TULP4: variants seen among roughly 807,000 people sequenced by gnomAD.
TULP4 encodes the protein tubby-related protein 4.
A neutral mutation model predicts 129.0 loss-of-function variants in TULP4; 16 were observed. That is an observed-to-expected ratio of 0.12 (90% CI 0.08 to 0.19). TULP4 has a LOEUF of 0.19. Among genes scored for constraint, TULP4 ranks in the 10% least tolerant of loss-of-function variants. The pLI is 1.00. For synonymous variants in TULP4, 998 were observed against 854.0 expected, an observed-to-expected ratio of 1.17 and a Z score of -2.94; for missense variants, 1,842 against 2,059.1, an observed-to-expected ratio of 0.89 and a Z score of 2.04.
At chr6:158,454,490 C>T (rs181607996) in intron 5 of TULP4, among the ~76,000 whole-genome samples, 1 of 148,922 alleles carries the variant, frequency 6.7e-6, no homozygotes, top group Non-Finnish European at 1.5e-5. Context: ...ATATAATTAC[C>T]ACTCAGTTCC....
intron 1 of TULP4, among the ~76,000 whole-genome samples, chr6:158,302,957 A>G (rs184869454): frequency 2.5e-4 from 38 of 151,030 alleles, no homozygotes; most frequent in African/African-American, 9.3e-4. Flanking sequence ...AGCTTTTCCA[A>G]TCCCTGCTAG....
chr6:158,490,995 G>C (rs184222382), intron 9 of TULP4, among the ~76,000 whole-genome samples: 2 of 152,268 alleles, frequency 1.3e-5, no homozygotes, highest in Admixed American at 1.3e-4. Context: ...TCTTATACAA[G>C]TCTTTTTGTG....
upstream of TULP4, among the ~76,000 whole-genome samples, chr6:158,280,258 C>G (rs919249648): frequency 5.3e-5 from 8 of 152,068 alleles, no homozygotes; most frequent in African/African-American, 1.9e-4. Context: ...ATAATTGAAG[C>G]CATGCCAAGT....
At chr6:158,354,990 A>G (rs542881123) in intron 1 of TULP4, among the ~76,000 whole-genome samples, 21 of 151,982 alleles carry the variant, frequency 1.4e-4, no homozygotes, top group Non-Finnish European at 2.6e-4. Context: ...ACAGTTGTGT[A>G]CGTGGTGTGA....
In TULP4 at chr6:158,503,361, C is replaced by T; in HGVS notation, c.3698C>T (p.Pro1233Leu). The change falls in exon 13 of 14, where the codon CCC (proline) becomes CTC (leucine). Residue 1233 changes from proline (P) to leucine (L), a missense_variant. Pro to Leu is a moderately conservative substitution (Grantham distance 98). This residue lies in a region of TULP4 where 1,089 missense variants were observed against 987.1 expected (regional missense o/e 1.10). Coordinates refer to ENST00000367097, the MANE Select transcript of TULP4 (RefSeq NM_020245.5). This position sits in a 1 kb window ranked among gnomAD's most constrained non-coding sequence, Gnocchi z 4.3. Reference sequence around the variant, plus strand: ...GTGGTCCTTCAGCCGCTGTACCCACCCAGCCTCTCCTATTGCACCCTGCCC... The same window carrying T: ...GTGGTCCTTCAGCCGCTGTACCCACTCAGCCTCTCCTATTGCACCCTGCCC... Reference protein sequence around the residue: ...PAVVLQPLYPPSLSYCTLPPM... With the variant: ...PAVVLQPLYPLSLSYCTLPPM... 6.2e-7 allele frequency: 1 copy of T among 1,613,836 alleles called. No individual in the cohort carries two copies. Among genetic ancestry groups the T allele is most frequent in the Non-Finnish European group, 8.5e-7 (1 of 1,179,994 alleles).
At chr6:158,453,485 CAA>C (rs869146924) in intron 5 of TULP4, among the ~76,000 whole-genome samples, 488 of 17,888 alleles carry the variant, frequency 0.027, 4 homozygotes, top group African/African-American at 0.097. Flanking sequence ...CTCTGTCTCA[CAA>C]AAAAAAAAAA....
intron 1 of TULP4, among the ~76,000 whole-genome samples, chr6:158,318,104 A>G (rs921265405): frequency 5.3e-5 from 8 of 152,150 alleles, no homozygotes; most frequent in Non-Finnish European, 8.8e-5. Flanking sequence ...CCCATTTTAT[A>G]GGTTGCCTGT....
intron 1 of TULP4, among the ~76,000 whole-genome samples, chr6:158,404,605 G>T (rs1031464935): frequency 2.6e-5 from 4 of 151,768 alleles, no homozygotes; most frequent in African/African-American, 9.7e-5. Context: ...GTGAAACCCC[G>T]TCTCTACTAA....
chr6:158,502,529 G>A lies in TULP4; in HGVS notation c.2866G>A (p.Gly956Arg), dbSNP rs755368176. ...LTVPRYSIPT[G>R]DPPPYPEIAS... ...CGTCCCTCGCTACTCCATCCCCACC[G>A]GGGACCCACCCCCGTATCCTGAAAT... Residue 956 changes from glycine (G) to arginine (R), a missense_variant, in exon 13 of 14, where the codon GGG (glycine) becomes AGG (arginine). Gly to Arg is a moderately radical substitution (Grantham distance 125, BLOSUM62 -2). Transcript: ENST00000367097. 19 of 1,610,690 alleles carry A rather than the reference G, an allele frequency of 1.2e-5. No homozygotes were observed. Among genetic ancestry groups the A allele is most frequent in the Admixed American group, 3.3e-5 (2 of 59,988 alleles).
At chr6:158,455,310 G>A (rs1240333266) in intron 5 of TULP4, among the ~76,000 whole-genome samples, 1 of 130,336 alleles carries the variant, frequency 7.7e-6, no homozygotes, top group Non-Finnish European at 1.6e-5. Flanking sequence ...TCCTGACCTC[G>A]TGATCCACCC....
chr6:158,433,149 T>C (rs1195059530), intron 3 of TULP4, among the ~76,000 whole-genome samples: 1 of 152,212 alleles, frequency 6.6e-6, no homozygotes, highest in East Asian at 1.9e-4. Flanking sequence ...AGTTTCCCGT[T>C]TTTTAAATTG....
chr6:158,426,885 T>C (rs766819267), intron 2 of TULP4, among the ~76,000 whole-genome samples: 170 of 152,342 alleles, frequency 1.1e-3, no homozygotes, highest in Non-Finnish European at 1.9e-3. Flanking sequence ...TTGTGTCATC[T>C]CTGATTTCTT....
In TULP4 at chr6:158,508,894, T is replaced by G. The variant is rs1255630023; in HGVS notation, c.*2200T>G. On this transcript the variant is annotated 3_prime_UTR_variant, in exon 14 of 14. Coordinates refer to ENST00000367097, the MANE Select transcript of TULP4 (RefSeq NM_020245.5). The stretch of plus-strand genomic sequence containing the variant: ...TGATAGAAGGTTTTTTTTTTTTTTT[T>G]TTTTTTTTTTTGAGACGGAGTCCCA... The G allele has an allele frequency of 6.4e-5, 9 of 140,092 alleles. No individual in the cohort carries two copies. Among genetic ancestry groups the G allele is most frequent in the East Asian group, 2.0e-4 (1 of 4,948 alleles). The allele number at this position is 140,092 out of a possible 1,614,324, so 8.7% of individuals were successfully genotyped here.
At chr6:158,393,845 G>A (rs183794173) in intron 1 of TULP4, among the ~76,000 whole-genome samples, 15 of 152,306 alleles carry the variant, frequency 9.8e-5, no homozygotes, top group East Asian at 3.9e-4. Context: ...TTTCCCCATC[G>A]TCTTGGCGAT....
chr6:158,368,308 T>C (rs1776989080), intron 1 of TULP4, among the ~76,000 whole-genome samples: 1 of 152,128 alleles, frequency 6.6e-6, no homozygotes. Flanking sequence ...TTTAACTTCA[T>C]TTATTTATTT....
At chr6:158,303,048 G>A (rs1462551698) in intron 1 of TULP4, among the ~76,000 whole-genome samples, 2 of 147,976 alleles carry the variant, frequency 1.4e-5, no homozygotes, top group Non-Finnish European at 3.0e-5. Context: ...CCAGTATCTA[G>A]TAGGCCCTTA....
intron 13 of TULP4, 39 bp from the exon 14 acceptor site, chr6:158,506,539 T>C: frequency 7.0e-7 from 1 of 1,424,970 alleles, no homozygotes; most frequent in Non-Finnish European, 9.9e-7. Context: ...CCTTTTCACC[T>C]TATTCTTTAA....
intron 1 of TULP4, among the ~76,000 whole-genome samples, chr6:158,363,649 A>AT (rs1235171815): frequency 4.0e-5 from 6 of 151,592 alleles, no homozygotes; most frequent in African/African-American, 1.2e-4. Context: ...ACGCCGGGCT[A>AT]TTTTTTTTGT....
At chr6:158,390,802 T>C (rs1777567234) in intron 1 of TULP4, among the ~76,000 whole-genome samples, 1 of 152,208 alleles carries the variant, frequency 6.6e-6, no homozygotes, top group Non-Finnish European at 1.5e-5. Context: ...GCCCTATGTT[T>C]GTTTTAAAAT....
Sources: gnomAD v4.1 joint callset for allele counts (sites outside exome capture counted in the v4.1 genomes callset) on GRCh38, gnomAD v4.1.1 for gene constraint, gnomAD v4.1.1 regional missense constraint, Gnocchi (gnomAD v3.1) non-coding constraint, MANE v1.5 for transcripts, NCBI Gene and HGNC (gene_info 2026-07-23, HGNC 2026-07-21) for gene names.